Variants in SAMD3 observed in about 807,000 individuals in gnomAD.
The protein encoded by SAMD3 is sterile alpha motif domain-containing protein 3.
SAMD3 carries 63 observed loss-of-function variants against 58.5 expected under a neutral mutation model. The observed-to-expected ratio is 1.08, with a 90% CI of 0.88 to 1.33. The LOEUF (loss-of-function observed/expected upper bound fraction) is 1.33, where lower values mean the gene tolerates loss of function less well. Ranked by LOEUF, SAMD3 falls within the 40% of genes most tolerant of loss-of-function variation. SAMD3 has a pLI of 0.00. For missense variants in SAMD3, 604 were observed against 608.4 expected, an observed-to-expected ratio of 0.99 and a Z score of 0.08; for synonymous variants, 220 against 210.3, an observed-to-expected ratio of 1.05 and a Z score of -0.40.
At chr6:130,310,232 C>T (rs1167463467) in intron 2 of SAMD3, among the ~76,000 whole-genome samples, 1 of 152,138 alleles carries the variant, frequency 6.6e-6, no homozygotes, top group South Asian at 2.1e-4. Flanking sequence ...GCTTCTGTAT[C>T]TTTATGAATA....
At chr6:130,162,392 C>T (rs1790356499) in intron 8 of SAMD3, 9 of 601,598 alleles carry the variant, frequency 1.5e-5, no homozygotes, top group Non-Finnish European at 2.7e-5. Context: ...TTTTTATCTC[C>T]CAGAAATGAA....
intron 2 of SAMD3, among the ~76,000 whole-genome samples, chr6:130,250,995 A>G (rs1021308311): frequency 1.3e-5 from 2 of 152,114 alleles, no homozygotes; most frequent in African/African-American, 2.4e-5. Flanking sequence ...ACCCTGTTTC[A>G]TCTTTTGAGG....
rs572326354 is a variant in SAMD3, at chr6:130,270,670, G to T, written c.-188+42308C>A. ...AATCTCCCCAGAATATTTTCATGTGGCCTGCATATGGTCTTACAGATACAT... is the reference window on the plus strand; with the variant it reads ...AATCTCCCCAGAATATTTTCATGTGTCCTGCATATGGTCTTACAGATACAT... On this transcript the variant is annotated intron_variant, in intron 2 of 13. Transcript: ENST00000368134. Among the ~76,000 whole-genome samples the T allele has an allele frequency of 2.0e-5, 3 of 152,174 alleles. No homozygotes were observed. In the South Asian group the frequency reaches 6.2e-4, roughly 32 times the overall value.
intron 2 of SAMD3, among the ~76,000 whole-genome samples, chr6:130,245,029 T>C (rs1244167387): frequency 6.6e-6 from 1 of 152,224 alleles, no homozygotes; most frequent in Non-Finnish European, 1.5e-5. Context: ...CTGTATGAAT[T>C]CTTATACATG....
In SAMD3 at chr6:130,244,745, AAATAAAAATAAAAATAAAAAT is replaced by A. The variant is rs1420739931; in HGVS notation, c.-187-21953_-187-21933del. Among the ~76,000 whole-genome samples the A allele has an allele frequency of 8.6e-5, 4 of 46,646 alleles. 1 individual carries two copies. The allele number at this position is 46,646 out of a possible 152,430, so 30.6% of individuals were successfully genotyped here. A position where few individuals can be genotyped will look rare whatever the true frequency, so the allele number is the denominator to read the frequency against. ...ACAGGACGAGCCTGTCTCAAAAAAA[AAATAAAAATAAAAATAAAAAT>A]AAAAATAAAAATAAAAATAAAGCAC... On this transcript the variant is annotated intron_variant, in intron 2 of 13. Coordinates refer to the SAMD3 transcript ENST00000368134.
intron 1 of SAMD3, among the ~76,000 whole-genome samples, chr6:130,332,782 G>T (rs1356487623): frequency 3.3e-5 from 5 of 152,278 alleles, no homozygotes; most frequent in Admixed American, 1.3e-4. Context: ...GGAACCCTAG[G>T]TCCCGAGAGG....
chr6:130,215,809 C>T, intron 2 of SAMD3: 2 of 1,534,802 alleles, frequency 1.3e-6, no homozygotes. Flanking sequence ...CTTGCTTCTC[C>T]TGGCTAGGAG....
chr6:130,268,579 C>T (rs553665708), intron 2 of SAMD3, among the ~76,000 whole-genome samples: 93 of 152,218 alleles, frequency 6.1e-4, no homozygotes, highest in Non-Finnish European at 1.9e-4. Flanking sequence ...ATAGATGCAC[C>T]ACTTTTTGAT....
chr6:130,365,543 T>A, upstream of SAMD3: 1 of 985,088 alleles, frequency 1.0e-6, no homozygotes, highest in Non-Finnish European at 1.2e-6. Flanking sequence ...GGTCCTGCGG[T>A]GCCTGCTCCG....
Position 130,144,489 on chromosome 6 carries a change from G to A in SAMD3, c.*31C>T, listed in dbSNP as rs1295498888. ...CTTATGAAGCTTCAGTTTTCCCAGAGGTAAATTCCAGTACAATATTTGGCA... is the reference window on the plus strand; with the variant it reads ...CTTATGAAGCTTCAGTTTTCCCAGAAGTAAATTCCAGTACAATATTTGGCA... On this transcript the variant is annotated 3_prime_UTR_variant, in exon 12 of 12. Transcript: ENST00000439090. 1 of 1,594,130 alleles carries A rather than the reference G, an allele frequency of 6.3e-7. No individual in the cohort carries two copies. The highest frequency in any genetic ancestry group is 1.1e-5 in the South Asian group (1 of 87,504).
intron 5 of SAMD3, among the ~76,000 whole-genome samples, chr6:130,190,268 G>T (rs1298794774): frequency 6.6e-6 from 1 of 151,586 alleles, no homozygotes; most frequent in Admixed American, 6.6e-5. Context: ...AGATTCAAGA[G>T]ACTCCACACT....
chr6:130,352,009 A>T (rs1040382097), intron 1 of SAMD3, among the ~76,000 whole-genome samples: 8 of 147,914 alleles, frequency 5.4e-5, no homozygotes, highest in African/African-American at 2.0e-4. Flanking sequence ...TGGGAATTGA[A>T]CAATGAGAAC....
intron 8 of SAMD3, among the ~76,000 whole-genome samples, chr6:130,159,338 G>C (rs765470399): frequency 1.3e-5 from 2 of 152,174 alleles, no homozygotes; most frequent in Non-Finnish European, 2.9e-5. Context: ...CCAGTCATGT[G>C]TAACTGTAAG....
intron 5 of SAMD3, among the ~76,000 whole-genome samples, chr6:130,197,503 C>A (rs1234085526): frequency 6.6e-6 from 1 of 152,138 alleles, no homozygotes; most frequent in Admixed American, 6.6e-5. Context: ...AATTCTTAGA[C>A]CTTTTATACC....
intron 4 of SAMD3, among the ~76,000 whole-genome samples, chr6:130,211,999 A>G (rs1795614817): frequency 6.6e-6 from 1 of 151,216 alleles, no homozygotes; most frequent in South Asian, 2.1e-4. Flanking sequence ...AGCTAAAACT[A>G]AAAGGGGTCA....
At chr6:130,258,217 T>C (rs1419331129) in intron 2 of SAMD3, among the ~76,000 whole-genome samples, 1 of 152,142 alleles carries the variant, frequency 6.6e-6, no homozygotes, top group Admixed American at 6.5e-5. Flanking sequence ...CGTATTCTTA[T>C]TGTTTTAATG....
intron 1 of SAMD3, among the ~76,000 whole-genome samples, chr6:130,333,842 T>C (rs1343783268): frequency 6.6e-6 from 1 of 152,204 alleles, no homozygotes; most frequent in Non-Finnish European, 1.5e-5. Flanking sequence ...TCTGCTTCCA[T>C]GCCACATGGA....
intron 1 of SAMD3, among the ~76,000 whole-genome samples, chr6:130,323,750 C>G (rs546910935): frequency 1.5e-3 from 196 of 134,328 alleles, no homozygotes; most frequent in African/African-American, 5.2e-3. Flanking sequence ...TTGCAGTGAG[C>G]TGAGATCGTG....
intron 2 of SAMD3, chr6:130,215,972 G>T: frequency 1.6e-6 from 1 of 644,850 alleles, no homozygotes. Flanking sequence ...TTTGGACACT[G>T]TTATGATTGG....
Sources: allele counts gnomAD v4.1 joint callset (sites outside exome capture counted in the v4.1 genomes callset), GRCh38; gene constraint gnomAD v4.1.1; transcripts MANE v1.5; gene names NCBI Gene and HGNC (gene_info 2026-07-23, HGNC 2026-07-21).